Variants in IFIT1B observed in about 807,000 individuals in gnomAD.
IFIT1B encodes protein IFIT1 homolog B.
In IFIT1B, 3 loss-of-function variants were observed where a neutral mutation model predicts 2.5. The observed-to-expected ratio is 1.21, with a 90% CI of 0.55 to 3.14. The LOEUF (loss-of-function observed/expected upper bound fraction) is 3.14, where lower values mean the gene tolerates loss of function less well. Among genes scored for constraint, IFIT1B ranks in the 30% most tolerant of loss-of-function variants. The probability of loss-of-function intolerance (pLI) is 0.03; values close to 1 mark genes in which losing one functional copy is unlikely to be tolerated. For synonymous variants in IFIT1B, 196 were observed against 203.0 expected, an observed-to-expected ratio of 0.97 and a Z score of 0.29; for missense variants, 545 against 556.5, an observed-to-expected ratio of 0.98 and a Z score of 0.21.
In IFIT1B at chr10:89,384,647, T is replaced by C. The variant is rs1322324156; in HGVS notation, c.1334T>C (p.Leu445Pro). ...RVVESVSLLG[L>P]IHKLKGEVSD... ...GTGGAAAGTGTCAGCCTCCTTGGGCTTATCCACAAATTGAAAGGAGAAGTA... is the reference window on the plus strand; with the variant it reads ...GTGGAAAGTGTCAGCCTCCTTGGGCCTATCCACAAATTGAAAGGAGAAGTA... The change falls in exon 2 of 2, where the codon CTT becomes CCT. Residue 445 changes from leucine to proline, a missense_variant. By Grantham distance (98) the Leu-to-Pro change is moderately conservative. Coordinates refer to ENST00000371809, the MANE Select transcript of IFIT1B (RefSeq NM_001010987.2). The C allele has an allele frequency of 1.2e-6, 2 of 1,614,120 alleles. No individual in the cohort carries two copies. Among genetic ancestry groups the C allele is most frequent in the South Asian group, 2.2e-5 (2 of 91,088 alleles).
intron 1 of IFIT1B, among the ~76,000 whole-genome samples, chr10:89,379,531 G>T (rs1844145634): frequency 6.6e-6 from 1 of 152,262 alleles, no homozygotes; most frequent in South Asian, 2.1e-4. Context: ...TCACTCAAAA[G>T]TATTCTGACC....
rs1844186339 is a variant in IFIT1B, at chr10:89,384,249, G to T, written c.936G>T (p.Gly312=). ...IKEATNWQPR[G]QDRETVDRLV... ...AAGCTACAAACTGGCAGCCTAGAGG[G>T]CAAGATAGGGAAACTGTGGACAGAT... Residue 312 remains glycine (G), a synonymous_variant, in exon 2 of 2, where the codon GGG becomes GGT. Transcript: ENST00000371809. The T allele has an allele frequency of 6.2e-7, 1 of 1,614,076 alleles. No homozygotes were observed. The highest frequency in any genetic ancestry group is 8.5e-7 in the Non-Finnish European group (1 of 1,180,044).
rs113472557 is a variant in IFIT1B, at chr10:89,384,025, A to G, written c.712A>G (p.Lys238Glu). Reference sequence around the variant, plus strand: ...TGAAGGACAGGAAGCTGAAGGAGAAAAGTACATTGAAGAAGCTCTGACCAG... The same window carrying G: ...TGAAGGACAGGAAGCTGAAGGAGAAGAGTACATTGAAGAAGCTCTGACCAG... ...QDEGQEAEGE[K>E]YIEEALTSIS... is the part of the protein sequence containing the mutation. The change falls in exon 2 of 2, where the codon AAG becomes GAG. Residue 238 changes from lysine to glutamate, a missense_variant. Physicochemically the swap from Lys to Glu is moderately conservative, Grantham distance 56. Coordinates refer to ENST00000371809, the MANE Select transcript of IFIT1B (RefSeq NM_001010987.2). 22 of 1,614,218 alleles carry G rather than the reference A, an allele frequency of 1.4e-5. No homozygotes were observed. In the African/African-American group the frequency reaches 1.9e-4, roughly 14 times the overall value.
rs1844190203 is a variant in IFIT1B at position 89,384,510 on chromosome 10, T to A, written c.1197T>A (p.Ile399=). ...EHHGKSQDKA[I]THYLKGLKIE... ...ATGGGAAATCTCAAGATAAAGCAATTACCCATTATTTAAAAGGTTTGAAAA... is the reference window on the plus strand; with the variant it reads ...ATGGGAAATCTCAAGATAAAGCAATAACCCATTATTTAAAAGGTTTGAAAA... The change falls in exon 2 of 2, where the codon ATT becomes ATA. Residue 399 remains isoleucine (I), a synonymous_variant. Transcript: ENST00000371809. 6.2e-7 allele frequency: 1 copy of A among 1,613,928 alleles called. No individual in the cohort carries two copies. The highest frequency in any genetic ancestry group is 1.7e-5 in the Admixed American group (1 of 60,012).
At chr10:89,378,664 G>A (rs1026947699) in intron 1 of IFIT1B, among the ~76,000 whole-genome samples, 3 of 152,198 alleles carry the variant, frequency 2.0e-5, no homozygotes, top group African/African-American at 7.2e-5. Context: ...GAGTTTTGGA[G>A]TTAATAAAGT....
At chr10:89,378,213 A>G in intron 1 of IFIT1B, 73 bp downstream of exon 1, 3 of 1,497,612 alleles carry the variant, frequency 2.0e-6, no homozygotes, top group South Asian at 1.1e-5. Context: ...TTAAGGGCCA[A>G]TTTTTTGACA....
At position 89,384,893 on chromosome 10, in the gene IFIT1B, C is replaced by A. The variant is rs1028682113; in HGVS notation, c.*155C>A. ...GCCTGAGTTATGTAGCATGCAACTG[C>A]AACTTCTGCTTTTTCCTGTAAATGA... On this transcript the variant is annotated 3_prime_UTR_variant, in exon 2 of 2. Coordinates refer to ENST00000371809, the MANE Select transcript of IFIT1B (RefSeq NM_001010987.2). The A allele has an allele frequency of 3.3e-6, 2 of 612,124 alleles. No homozygotes were observed. The highest frequency in any genetic ancestry group is 5.5e-6 in the Non-Finnish European group (2 of 361,754). The allele number at this position is 612,124 out of a possible 1,614,324, so 37.9% of individuals were successfully genotyped here. A position where few individuals can be genotyped will look rare whatever the true frequency, so the allele number is the denominator to read the frequency against.
Position 89,378,152 on chromosome 10 carries a change from C to T in IFIT1B, c.5+12C>T. 1 of 1,613,744 alleles carries T rather than the reference C, an allele frequency of 6.2e-7. No homozygotes were observed. The highest frequency in any genetic ancestry group is 8.5e-7 in the Non-Finnish European group (1 of 1,179,622). The stretch of plus-strand genomic sequence containing the variant: ...CATAGCACCATGAGGTAAAGTCTTT[C>T]TCTGCTTCACTGACCTTATTTCTGC... On this transcript the variant is annotated intron_variant, in intron 1 of 1. Coordinates refer to ENST00000371809, the MANE Select transcript of IFIT1B (RefSeq NM_001010987.2).
Position 89,384,824 on chromosome 10 carries a change from G to T in IFIT1B, c.*86G>T. The T allele has an allele frequency of 8.2e-7, 1 of 1,213,980 alleles. No homozygotes were observed. Among genetic ancestry groups the T allele is most frequent in the South Asian group, 1.5e-5 (1 of 66,298 alleles). 75.2% of individuals were successfully genotyped at this position (1,213,980 alleles called of 1,614,324 possible). On this transcript the variant is annotated 3_prime_UTR_variant, in exon 2 of 2. Transcript: ENST00000371809. Reference sequence around the variant, plus strand: ...AAATAATGCAAACTTAAAGCTGTTGGAAATTTACCTTATTTTGAGCCTTGA... The same window carrying T: ...AAATAATGCAAACTTAAAGCTGTTGTAAATTTACCTTATTTTGAGCCTTGA...
chr10:89,383,682 C>T lies in IFIT1B; in HGVS notation c.369C>T (p.Asn123=). The stretch of plus-strand genomic sequence containing the variant: ...AGACTTACCTGGACAAGGTGGAGAA[C>T]ACTTGCAAGAAGTTTGCAAATCCTT... ...EAQTYLDKVE[N]TCKKFANPSR... is the part of the protein sequence containing the mutation. Residue 123 remains asparagine, a synonymous_variant, in exon 2 of 2, where the codon AAC becomes AAT. Transcript: ENST00000371809. 1.2e-6 allele frequency: 2 copies of T among 1,614,230 alleles called. No homozygotes were observed. Among genetic ancestry groups the T allele is most frequent in the Non-Finnish European group, 1.7e-6 (2 of 1,180,044 alleles).
chr10:89,384,116 A>T lies in IFIT1B; in HGVS notation c.803A>T (p.Asp268Val). The part of the protein sequence containing the change: ...AKFYRRKGSV[D>V]KALELLKMAL... ...TTTTATCGAAGAAAAGGGTCTGTGGATAAAGCTCTTGAGCTCTTAAAAATG... is the reference window on the plus strand; with the variant it reads ...TTTTATCGAAGAAAAGGGTCTGTGGTTAAAGCTCTTGAGCTCTTAAAAATG... The change falls in exon 2 of 2, where the codon GAT (aspartate) becomes GTT (valine). Residue 268 changes from aspartate (D) to valine (V), a missense_variant. By Grantham distance (152) the Asp-to-Val change is radical. Transcript: ENST00000371809. 1 of 1,614,216 alleles carries T rather than the reference A, an allele frequency of 6.2e-7. No individual in the cohort carries two copies. The highest frequency in any genetic ancestry group is 1.3e-5 in the African/African-American group (1 of 75,054).
chr10:89,383,318 G>A lies in IFIT1B; in HGVS notation c.6-1G>A, dbSNP rs780355027. ...TAATTAATTGCTGCCTATTTTTACA[G>A]TGAAGAATCTGATGGAAAGCTTATT... On this transcript the variant is annotated splice_acceptor_variant, in intron 1 of 1. Coordinates refer to ENST00000371809, the MANE Select transcript of IFIT1B (RefSeq NM_001010987.2). LOFTEE classifies it high-confidence loss of function. The A allele has an allele frequency of 6.2e-7, 1 of 1,607,012 alleles. No individual in the cohort carries two copies. Among genetic ancestry groups the A allele is most frequent in the South Asian group, 1.1e-5 (1 of 90,612 alleles).
At position 89,383,462 on chromosome 10, in the gene IFIT1B, A is replaced by G. The variant is rs763121756; in HGVS notation, c.149A>G (p.Tyr50Cys). ...GAGATTCAGTTCCTGGACACCAAATACAATGTGGGAATACACAACCTACTA... is the reference window on the plus strand; with the variant it reads ...GAGATTCAGTTCCTGGACACCAAATGCAATGTGGGAATACACAACCTACTA... ...WEEIQFLDTK[Y>C]NVGIHNLLAY... Residue 50 changes from tyrosine to cysteine, a missense_variant, in exon 2 of 2, where the codon TAC becomes TGC. Transcript: ENST00000371809. 128 of 1,614,130 alleles carry G rather than the reference A, an allele frequency of 7.9e-5. No homozygotes were observed. Among genetic ancestry groups the G allele is most frequent in the Non-Finnish European group, 1.1e-4 (126 of 1,180,056 alleles).
chr10:89,380,693 A>G (rs1010594461), intron 1 of IFIT1B, among the ~76,000 whole-genome samples: 1 of 152,164 alleles, frequency 6.6e-6, no homozygotes, highest in Non-Finnish European at 1.5e-5. Context: ...TTGGACTCTC[A>G]AAGTGTTGGG....
At chr10:89,380,177 C>G (rs1363442601) in intron 1 of IFIT1B, among the ~76,000 whole-genome samples, 1 of 152,198 alleles carries the variant, frequency 6.6e-6, no homozygotes, top group Non-Finnish European at 1.5e-5. Context: ...CTAGAAGCCA[C>G]TGACCTGAGG....
rs1213290752 is a variant in IFIT1B, at chr10:89,383,403, T to G, written c.90T>G (p.Pro30=). 4 of 1,614,218 alleles carry G rather than the reference T, an allele frequency of 2.5e-6. No individual in the cohort carries two copies. In the South Asian group the frequency reaches 3.3e-5, roughly 13 times the overall value. ...CATGGAAGTTGTTAATTGAAGCCCC[T>G]GAAATTCCTGATTTAGAAAACAGGA... ...HFTWKLLIEA[P]EIPDLENRIW... The change falls in exon 2 of 2, where the codon CCT becomes CCG. Residue 30 remains proline (P), a synonymous_variant. Coordinates refer to ENST00000371809, the MANE Select transcript of IFIT1B (RefSeq NM_001010987.2).
Position 89,383,800 on chromosome 10 carries a change from T to C in IFIT1B, c.487T>C (p.Cys163Arg), listed in dbSNP as rs776841075. ...AAAGAATTATGAACGGGCCAAGACC[T>C]GCTTTGAAAAGGCTCTGGAAGGGAA... is the stretch of plus-strand genomic sequence containing the variant. ...GGKNYERAKT[C>R]FEKALEGNPE... Residue 163 changes from cysteine (C) to arginine (R), a missense_variant, in exon 2 of 2, where the codon TGC becomes CGC. Cys to Arg is a radical substitution (Grantham distance 180). Transcript: ENST00000371809. 6.2e-7 allele frequency: 1 copy of C among 1,614,220 alleles called. No individual in the cohort carries two copies. The highest frequency in any genetic ancestry group is 1.1e-5 in the South Asian group (1 of 91,088).
chr10:89,384,552 T>A lies in IFIT1B; in HGVS notation c.1239T>A (p.His413Gln). The change falls in exon 2 of 2, where the codon CAT (histidine) becomes CAA (glutamine). Residue 413 changes from histidine to glutamine, a missense_variant. His to Gln is a conservative substitution (Grantham distance 24). Transcript: ENST00000371809. ...GTTTGAAAATAGAAAAAATGTCCCA[T>A]TCCAGGGAAAAACTTCTCAATGCTT... is the stretch of plus-strand genomic sequence containing the variant. Reference protein sequence around the residue: ...LKGLKIEKMSHSREKLLNALE... With the variant: ...LKGLKIEKMSQSREKLLNALE... 6.2e-7 allele frequency: 1 copy of A among 1,614,172 alleles called. No homozygotes were observed.
rs1844184392 is a variant in IFIT1B, at chr10:89,384,052, A to G, written c.739A>G (p.Ile247Val). 2.5e-6 allele frequency: 4 copies of G among 1,614,232 alleles called. No individual in the cohort carries two copies. Among genetic ancestry groups the G allele is most frequent in the African/African-American group, 1.3e-5 (1 of 75,064 alleles). ...EKYIEEALTS[I>V]SSQAYVFQYA... ...GTACATTGAAGAAGCTCTGACCAGTATATCTTCACAGGCCTATGTCTTTCA... is the reference window on the plus strand; with the variant it reads ...GTACATTGAAGAAGCTCTGACCAGTGTATCTTCACAGGCCTATGTCTTTCA... Residue 247 changes from isoleucine (I) to valine (V), a missense_variant, in exon 2 of 2, where the codon ATA (isoleucine) becomes GTA (valine). Ile to Val is a conservative substitution (Grantham distance 29, BLOSUM62 3). Transcript: ENST00000371809.
Sources: allele counts gnomAD v4.1 joint callset (sites outside exome capture counted in the v4.1 genomes callset), GRCh38; gene constraint gnomAD v4.1.1; transcripts MANE v1.5; gene names NCBI Gene and HGNC (gene_info 2026-07-23, HGNC 2026-07-21).